The following EDEM3 variants were observed in gnomAD, a reference collection of about 807,000 sequenced individuals.
The protein encoded by EDEM3 is ER degradation enhancing alpha-mannosidase like protein 3, also known as ER degradation-enhancing alpha-mannosidase-like protein 3.
A neutral mutation model predicts 110.2 loss-of-function variants in EDEM3; 60 were observed. The ratio of observed to expected loss-of-function variants is 0.54; its 90% CI spans 0.44 to 0.67. The LOEUF is 0.67. EDEM3 is among the 30% of genes least tolerant of loss of function. EDEM3 has a pLI of 0.00. For missense variants in EDEM3, 996 were observed against 1,121.0 expected (o/e 0.89, Z 1.59); for synonymous variants, 352 against 382.9 (o/e 0.92, Z 0.94).
intron 2 of EDEM3, among the ~76,000 whole-genome samples, chr1:184,745,993 G>A (rs910091656): frequency 2.0e-5 from 3 of 152,168 alleles, no homozygotes; most frequent in African/African-American, 7.2e-5. Flanking sequence ...AAGCCCTAAA[G>A]TGACTGTGGC....
intron 18 of EDEM3, among the ~76,000 whole-genome samples, chr1:184,706,366 T>A (rs75972652): frequency 0.026 from 4,033 of 152,244 alleles, 199 homozygotes; most frequent in African/African-American, 0.092. Flanking sequence ...TTCTTATCCA[T>A]GGTACTGAAT....
intron 1 of EDEM3, among the ~76,000 whole-genome samples, chr1:184,751,670 T>A (rs1652775046): frequency 6.6e-6 from 1 of 152,248 alleles, no homozygotes; most frequent in Non-Finnish European, 1.5e-5. Context: ...TAATGTTTTA[T>A]CTATTCAAAA....
At chr1:184,715,410 T>C (rs1316416314) in intron 13 of EDEM3, among the ~76,000 whole-genome samples, 4 of 152,248 alleles carry the variant, frequency 2.6e-5, no homozygotes, top group Admixed American at 6.5e-5. Flanking sequence ...ATTATTTCTT[T>C]ACACACCTAT....
intron 13 of EDEM3, among the ~76,000 whole-genome samples, chr1:184,716,117 CAT>C: frequency 6.6e-6 from 1 of 152,152 alleles, no homozygotes; most frequent in East Asian, 1.9e-4. Context: ...GTTTCAAACA[CAT>C]ATACAATGTT....
intron 2 of EDEM3, among the ~76,000 whole-genome samples, chr1:184,740,274 C>T (rs1426379650): frequency 1.3e-5 from 2 of 152,118 alleles, no homozygotes. Context: ...ACTCATAATT[C>T]TCCCCCTCAA....
At position 184,711,755 on chromosome 1, in the gene EDEM3, C is replaced by T. The variant is rs1650247529; in HGVS notation, c.1659G>A (p.Val553=). 6.2e-7 allele frequency: 1 copy of T among 1,612,514 alleles called. No individual in the cohort carries two copies. ...TGATGCCTCTAGGACAGCTCTTATC[C>T]ACCACATTTTTCAAGGGCTCACGAA... The part of the protein sequence containing the change: ...QSIREPLKNV[V]DKSCPRGIIR... The change falls in exon 15 of 20, where the codon GTG becomes GTA. Residue 553 remains valine (V), a synonymous_variant. Transcript: ENST00000318130.
chr1:184,729,801 A>G (rs1438128439), intron 6 of EDEM3, among the ~76,000 whole-genome samples: 6 of 152,044 alleles, frequency 3.9e-5, no homozygotes, highest in African/African-American at 1.5e-4. Context: ...CTGTTTTACC[A>G]TAACGCTCAT....
At chr1:184,735,914 G>T (rs1651796694) in intron 4 of EDEM3, among the ~76,000 whole-genome samples, 1 of 152,082 alleles carries the variant, frequency 6.6e-6, no homozygotes, top group Non-Finnish European at 1.5e-5. Flanking sequence ...AACTCTTCTA[G>T]CTTGTAATCA....
chr1:184,720,010 C>T (rs1325998894), intron 9 of EDEM3, among the ~76,000 whole-genome samples: 1 of 152,212 alleles, frequency 6.6e-6, no homozygotes, highest in Admixed American at 6.5e-5. Flanking sequence ...ACTATCTAAA[C>T]TAATGCAGCT....
intron 13 of EDEM3, among the ~76,000 whole-genome samples, chr1:184,713,329 T>C (rs1209988077): frequency 2.0e-5 from 3 of 152,166 alleles, no homozygotes; most frequent in African/African-American, 7.2e-5. Context: ...GCTATGATTA[T>C]AACATGCTAA....
rs576490794 is a variant in EDEM3, at chr1:184,716,877, A to C, written c.1370+11T>G. The C allele has an allele frequency of 1.9e-6, 3 of 1,612,552 alleles. No homozygotes were observed. In the African/African-American group the frequency reaches 4.0e-5, roughly 22 times the overall value. On this transcript the variant is annotated intron_variant, in intron 13 of 19. Transcript: ENST00000318130. Reference sequence around the variant, plus strand: ...GACCCTGAGGAAAGAGGATGTTAGCAATTGTTTTACCTGTCCTCATGACTT... The same window carrying C: ...GACCCTGAGGAAAGAGGATGTTAGCCATTGTTTTACCTGTCCTCATGACTT...
chr1:184,726,427 A>T, intron 6 of EDEM3, 38 bp from the exon 7 acceptor site: 2 of 1,590,728 alleles, frequency 1.3e-6, no homozygotes, highest in Non-Finnish European at 1.7e-6. Context: ...GCAGTTATCA[A>T]GACAATGACC....
At chr1:184,723,698 C>T in intron 8 of EDEM3, 53 bp downstream of exon 8, 1 of 1,308,242 alleles carries the variant, frequency 7.6e-7, no homozygotes, top group Non-Finnish European at 1.1e-6. Flanking sequence ...TTCTTTATTT[C>T]CCAACCATTT....
In EDEM3 at chr1:184,711,835, T is replaced by C. The variant is rs779886459; in HGVS notation, c.1579A>G (p.Thr527Ala). Residue 527 changes from threonine (T) to alanine (A), a missense_variant, in exon 15 of 20, where the codon ACT (threonine) becomes GCT (alanine). Around this residue, in one of 5 missense-constraint regions of EDEM3, gnomAD observed 138 missense variants for 124.3 expected, o/e 1.11. Transcript: ENST00000318130. The part of the protein sequence containing the change: ...TELDDSNFDW[T>A]CPNTQILFPN... ...AAGAGGATCTGAGTATTTGGACAAG[T>C]CCAATCGAAGTTACTGTCATCCAGT... 6 of 1,613,260 alleles carry C rather than the reference T, an allele frequency of 3.7e-6. No homozygotes were observed. The Admixed American group carries it at 1.0e-4, about 27-fold the overall frequency.
In EDEM3 at chr1:184,703,501, C is replaced by A. The variant is rs536422907; in HGVS notation, c.2204-505G>T. ...ATGGACATTTCTTTTTTATATAATGCACACAAAGAATAGTTATGACTATAG... is the reference window on the plus strand; with the variant it reads ...ATGGACATTTCTTTTTTATATAATGAACACAAAGAATAGTTATGACTATAG... On this transcript the variant is annotated intron_variant, in intron 18 of 19. Transcript: ENST00000318130. Among the ~76,000 whole-genome samples, 3 of 152,234 alleles carry A rather than the reference C, an allele frequency of 2.0e-5. No individual in the cohort carries two copies. In the East Asian group the frequency reaches 5.8e-4, roughly 29 times the overall value.
At chr1:184,714,402 C>T (rs1331781168) in intron 13 of EDEM3, among the ~76,000 whole-genome samples, 1 of 152,070 alleles carries the variant, frequency 6.6e-6, no homozygotes. Flanking sequence ...AAATATTTTC[C>T]TATTATTTTT....
In EDEM3 at chr1:184,754,688, G is replaced by C; in HGVS notation, c.-42C>G. On this transcript the variant is annotated 5_prime_UTR_variant, in exon 1 of 20. Transcript: ENST00000318130. ...GCACGCGCAGCTGCTACGCCCGGCC[G>C]GTGAGACACATTGCTGGACGCTGGT... 1 of 1,495,208 alleles carries C rather than the reference G, an allele frequency of 6.7e-7. No homozygotes were observed. Among genetic ancestry groups the C allele is most frequent in the Non-Finnish European group, 8.9e-7 (1 of 1,124,956 alleles). The allele number at this position is 1,495,208 out of a possible 1,614,324, so 92.6% of individuals were successfully genotyped here.
Position 184,754,753 on chromosome 1 carries a change from G to A in EDEM3, c.-107C>T. 7.1e-7 allele frequency: 1 copy of A among 1,411,236 alleles called. No homozygotes were observed. The highest frequency in any genetic ancestry group is 9.2e-7 in the Non-Finnish European group (1 of 1,088,124). 87.4% of individuals were successfully genotyped at this position (1,411,236 alleles called of 1,614,324 possible). A position where few individuals can be genotyped will look rare whatever the true frequency, so the allele number is the denominator to read the frequency against. On this transcript the variant is annotated 5_prime_UTR_variant, in exon 1 of 20. Transcript: ENST00000318130. ...TAGCCGTGCCGAGACGGGGCGGGAT[G>A]CGGAGTAACACGGACGGCCGCCGGC...
chr1:184,704,756 A>G (rs1006947725), intron 18 of EDEM3, among the ~76,000 whole-genome samples: 1 of 147,276 alleles, frequency 6.8e-6, no homozygotes, highest in East Asian at 2.0e-4. Flanking sequence ...ACTAATAGCT[A>G]CCAAAAAAAA....
Sources: allele counts gnomAD v4.1 joint callset (sites outside exome capture counted in the v4.1 genomes callset), GRCh38; gene constraint gnomAD v4.1.1; regional missense constraint gnomAD v4.1.1; transcripts MANE v1.5; gene names NCBI Gene and HGNC (gene_info 2026-07-23, HGNC 2026-07-21).